The following TNR variants were observed in gnomAD, a reference collection of about 807,000 sequenced individuals.
TNR encodes the protein tenascin-R.
A neutral mutation model predicts 150.4 loss-of-function variants in TNR; 45 were observed. That is an observed-to-expected ratio of 0.30 (90% CI 0.24 to 0.38). The LOEUF is 0.38. Among genes scored for constraint, TNR ranks in the 10% least tolerant of loss-of-function variants. The pLI is 1.00. For synonymous variants in TNR, 687 were observed against 678.4 expected, an observed-to-expected ratio of 1.01 and a Z score of -0.20; for missense variants, 1,544 against 1,759.1, an observed-to-expected ratio of 0.88 and a Z score of 2.19.
intron 2 of TNR, among the ~76,000 whole-genome samples, chr1:175,457,541 C>T (rs1656620146): frequency 6.6e-6 from 1 of 152,184 alleles, no homozygotes; most frequent in Admixed American, 6.5e-5. Context: ...AGGGAAATAG[C>T]TCGTTTCTGG....
At chr1:175,529,242 G>T (rs1659971824) in intron 1 of TNR, among the ~76,000 whole-genome samples, 1 of 152,182 alleles carries the variant, frequency 6.6e-6, no homozygotes, top group African/African-American at 2.4e-5. Flanking sequence ...TCATTTATAG[G>T]TGCTTCAAGA....
chr1:175,652,968 C>T (rs1335587162), intron 1 of TNR, among the ~76,000 whole-genome samples: 1 of 152,060 alleles, frequency 6.6e-6, no homozygotes, highest in Non-Finnish European at 1.5e-5. Flanking sequence ...GGAAAAAGTG[C>T]CACTTAAAAC....
intron 1 of TNR, among the ~76,000 whole-genome samples, chr1:175,614,476 AC>A (rs1390960105): frequency 1.3e-5 from 2 of 152,044 alleles, no homozygotes; most frequent in Non-Finnish European, 2.9e-5. Context: ...GCTCTGTCTC[AC>A]CTCTTACCAC....
Position 175,696,230 on chromosome 1 carries a change from T to TGTTGTTGTTG in TNR, c.-165+46995_-165+46996insCAACAACAAC, listed in dbSNP as rs1558077889. Among the ~76,000 whole-genome samples, 107 of 145,828 alleles carry TGTTGTTGTTG rather than the reference T, an allele frequency of 7.3e-4. 2 individuals are homozygous for TGTTGTTGTTG. The highest frequency in any genetic ancestry group is 1.7e-3 in the East Asian group (9 of 5,168). On this transcript the variant is annotated intron_variant, in intron 1 of 22. Transcript: ENST00000367674. ...AGCCTTCCTGTAGTTTTTTTTTTTTTTTTTTTTTTTTTTTCCAAAATTTAA... is the reference window on the plus strand; with the variant it reads ...AGCCTTCCTGTAGTTTTTTTTTTTTTGTTGTTGTTGTTTTTTTTTTTTTTCCAAAATTTAA...
chr1:175,577,167 C>T (rs113197725), intron 1 of TNR, among the ~76,000 whole-genome samples: 109 of 152,240 alleles, frequency 7.2e-4, no homozygotes, highest in African/African-American at 2.6e-3. Flanking sequence ...AGTCTTGAAT[C>T]TCAGGCTAGG....
intron 2 of TNR, among the ~76,000 whole-genome samples, chr1:175,501,632 C>A (rs755350577): frequency 1.2e-4 from 18 of 152,202 alleles, no homozygotes; most frequent in Non-Finnish European, 2.4e-4. Context: ...CAGTAGAAGA[C>A]AAATACGGCC....
At chr1:175,357,005 G>A (rs1433566176) in intron 15 of TNR, among the ~76,000 whole-genome samples, 1 of 152,182 alleles carries the variant, frequency 6.6e-6, no homozygotes, top group Non-Finnish European at 1.5e-5. Flanking sequence ...TAATTAGTAA[G>A]GTTTTGGGAA....
At chr1:175,669,252 TC>T (rs1665622046) in intron 1 of TNR, among the ~76,000 whole-genome samples, 1 of 152,232 alleles carries the variant, frequency 6.6e-6, no homozygotes, top group Non-Finnish European at 1.5e-5. Context: ...CAGCTGGAAC[TC>T]CCTTCTTCTC....
chr1:175,566,329 A>G (rs1661642369), intron 1 of TNR, among the ~76,000 whole-genome samples: 1 of 152,250 alleles, frequency 6.6e-6, no homozygotes, highest in African/African-American at 2.4e-5. Flanking sequence ...ATCCAAATGA[A>G]TCCATTTGCT....
At chr1:175,535,697 G>T (rs971885019) in intron 1 of TNR, among the ~76,000 whole-genome samples, 1 of 151,496 alleles carries the variant, frequency 6.6e-6, no homozygotes, top group Non-Finnish European at 1.5e-5. Flanking sequence ...CTTAACTTTG[G>T]TATAATGTTT....
intron 1 of TNR, among the ~76,000 whole-genome samples, chr1:175,634,833 C>T (rs554271498): frequency 1.3e-5 from 2 of 152,278 alleles, no homozygotes; most frequent in African/African-American, 4.8e-5. Context: ...TTTCATAGCA[C>T]ATTATAATTT....
In TNR at chr1:175,583,276, G is replaced by A. The variant is rs182794597; in HGVS notation, c.-164-54907C>T. ...TTCCAGGGTAGCCAGGGGAAGGAGAGCCCAGGTAGGAGCTGAGCTGGCATT... is the reference window on the plus strand; with the variant it reads ...TTCCAGGGTAGCCAGGGGAAGGAGAACCCAGGTAGGAGCTGAGCTGGCATT... On this transcript the variant is annotated intron_variant, in intron 1 of 22. Transcript: ENST00000367674. Among the ~76,000 whole-genome samples, 17 of 152,292 alleles carry A rather than the reference G, an allele frequency of 1.1e-4. No individual in the cohort carries two copies. The East Asian group carries it at 3.1e-3, about 28-fold the overall frequency.
chr1:175,482,206 C>T (rs1250202430), intron 2 of TNR, among the ~76,000 whole-genome samples: 2 of 152,230 alleles, frequency 1.3e-5, no homozygotes, highest in Admixed American at 6.5e-5. Flanking sequence ...CACTAGGCTG[C>T]ACTGTGGTGA....
chr1:175,722,503 T>C (rs1418420851), intron 1 of TNR, among the ~76,000 whole-genome samples: 3 of 152,166 alleles, frequency 2.0e-5, no homozygotes, highest in Non-Finnish European at 2.9e-5. Context: ...CTCACTCTGT[T>C]GCCCAGACTA....
At chr1:175,465,827 G>A (rs938328070) in intron 2 of TNR, among the ~76,000 whole-genome samples, 2 of 152,144 alleles carry the variant, frequency 1.3e-5, no homozygotes, top group Non-Finnish European at 2.9e-5. Context: ...GGTCCCTCAA[G>A]CCCCCCTCCT....
chr1:175,706,279 G>A (rs1345952279), intron 1 of TNR, among the ~76,000 whole-genome samples: 1 of 152,118 alleles, frequency 6.6e-6, no homozygotes, highest in Non-Finnish European at 1.5e-5. Flanking sequence ...TGTCAAGCCT[G>A]GGTGCAAAGG....
At chr1:175,680,437 G>A (rs1278600961) in intron 1 of TNR, among the ~76,000 whole-genome samples, 2 of 152,182 alleles carry the variant, frequency 1.3e-5, no homozygotes, top group South Asian at 2.1e-4. Context: ...AGAAAGGCGG[G>A]AGTGTGTTAA....
At chr1:175,346,931 T>C (rs1650818773) in intron 18 of TNR, among the ~76,000 whole-genome samples, 1 of 149,734 alleles carries the variant, frequency 6.7e-6, no homozygotes, top group Non-Finnish European at 1.5e-5. Flanking sequence ...GAGTGAAAGA[T>C]GAAGCTGTCT....
chr1:175,636,156 C>T (rs924233763), intron 1 of TNR, among the ~76,000 whole-genome samples: 1 of 152,116 alleles, frequency 6.6e-6, no homozygotes, highest in Non-Finnish European at 1.5e-5. Context: ...ATAGCCTCGC[C>T]CCCAGCAGTT....
Sources: gnomAD v4.1 joint callset for allele counts (sites outside exome capture counted in the v4.1 genomes callset) on GRCh38, gnomAD v4.1.1 for gene constraint, MANE v1.5 for transcripts, NCBI Gene and HGNC (gene_info 2026-07-23, HGNC 2026-07-21) for gene names.